Variants in STPG2 observed in about 807,000 individuals in gnomAD.
STPG2 encodes sperm-tail PG-rich repeat-containing protein 2.
In STPG2, 56 loss-of-function variants were observed where a neutral mutation model predicts 54.2. The ratio of observed to expected loss-of-function variants is 1.03; its 90% CI spans 0.83 to 1.29. The LOEUF (loss-of-function observed/expected upper bound fraction) is 1.29, where lower values mean the gene tolerates loss of function less well. Among genes scored for constraint, STPG2 ranks in the 50% most tolerant of loss-of-function variants. The probability of loss-of-function intolerance (pLI) is 0.00; values close to 1 mark genes in which losing one functional copy is unlikely to be tolerated. For missense variants in STPG2, 596 were observed against 544.9 expected (o/e 1.09, Z -0.93); for synonymous variants, 200 against 181.8 (o/e 1.10, Z -0.81).
intron 4 of STPG2, among the ~76,000 whole-genome samples, chr4:97,476,555 T>C (rs1426562908): frequency 2.6e-5 from 4 of 152,206 alleles, no homozygotes; most frequent in African/African-American, 4.8e-5. Context: ...AATTGAATGA[T>C]AGTGATTCTG....
At chr4:97,705,252 TA>T (rs1723903085) in intron 10 of STPG2, among the ~76,000 whole-genome samples, 1 of 152,146 alleles carries the variant, frequency 6.6e-6, no homozygotes, top group Non-Finnish European at 1.5e-5. Context: ...CTTGTCTAAG[TA>T]AAAAACTCCC....
intron 8 of STPG2, among the ~76,000 whole-genome samples, chr4:97,932,195 G>A (rs1401026140): frequency 6.6e-6 from 1 of 151,958 alleles, no homozygotes; most frequent in East Asian, 1.9e-4. Flanking sequence ...ACCAACTCCT[G>A]GATTCTTTGA....
intron 9 of STPG2, among the ~76,000 whole-genome samples, chr4:97,802,767 G>A (rs570988957): frequency 2.2e-4 from 33 of 152,076 alleles, no homozygotes; most frequent in Middle Eastern, 3.4e-3. Flanking sequence ...CACCGCGCCC[G>A]GCCCTATCAA....
intron 10 of STPG2, among the ~76,000 whole-genome samples, chr4:97,615,080 C>G (rs187650353): frequency 1.3e-5 from 2 of 152,072 alleles, no homozygotes; most frequent in Non-Finnish European, 2.9e-5. Flanking sequence ...CCCCATTAAC[C>G]TTTTGTGAAG....
At chr4:97,918,608 T>C (rs1303007443) in intron 8 of STPG2, among the ~76,000 whole-genome samples, 3 of 152,084 alleles carry the variant, frequency 2.0e-5, no homozygotes, top group South Asian at 4.1e-4. Flanking sequence ...CACACACACA[T>C]ACACACCATG....
intron 5 of STPG2, among the ~76,000 whole-genome samples, chr4:98,027,568 C>G (rs576023135): frequency 1.1e-4 from 16 of 152,258 alleles, no homozygotes; most frequent in African/African-American, 3.9e-4. Context: ...AACAAGTTAA[C>G]AGCTGTCAAA....
chr4:97,885,764 C>T (rs965406525), intron 8 of STPG2, among the ~76,000 whole-genome samples: 8 of 152,048 alleles, frequency 5.3e-5, no homozygotes, highest in African/African-American at 9.7e-5. Context: ...TATCCATGGA[C>T]GTTGGTATAC....
intron 9 of STPG2, among the ~76,000 whole-genome samples, chr4:97,793,402 C>G (rs6826709): frequency 0.41 from 60,358 of 148,204 alleles, 12,244 homozygotes; most frequent in Middle Eastern, 0.48. Flanking sequence ...CACACACACA[C>G]AGAGAAATAG....
At chr4:97,485,346 A>G (rs566783990) in intron 4 of STPG2, among the ~76,000 whole-genome samples, 133 of 151,948 alleles carry the variant, frequency 8.8e-4, no homozygotes, top group African/African-American at 3.1e-3. Context: ...AACTCGTATA[A>G]GAATTCAACA....
chr4:97,864,190 T>C (rs1017336439), intron 8 of STPG2, among the ~76,000 whole-genome samples: 5 of 152,190 alleles, frequency 3.3e-5, no homozygotes, highest in African/African-American at 9.7e-5. Context: ...ATTGTATATC[T>C]AGAAAACCCC....
chr4:97,789,286 A>G (rs1726920618), intron 9 of STPG2, among the ~76,000 whole-genome samples: 1 of 152,038 alleles, frequency 6.6e-6, no homozygotes, highest in African/African-American at 2.4e-5. Flanking sequence ...CAAAAACTAA[A>G]ATACTCATAT....
chr4:98,128,693 T>C, intron 2 of STPG2, 101 bp from the exon 3 acceptor site: 1 of 957,794 alleles, frequency 1.0e-6, no homozygotes. Flanking sequence ...TAAATATTGA[T>C]TTAATGAGTT....
chr4:97,938,877 G>C (rs918354084), intron 8 of STPG2, among the ~76,000 whole-genome samples: 4 of 151,906 alleles, frequency 2.6e-5, no homozygotes, highest in African/African-American at 9.7e-5. Context: ...GGGAGCCTCT[G>C]ACCACCACTG....
In STPG2 at chr4:97,864,577, T is replaced by C. The variant is rs1447781975; in HGVS notation, c.1045-23645A>G. On this transcript the variant is annotated intron_variant, in intron 8 of 10. Transcript: ENST00000295268. Reference sequence around the variant, plus strand: ...GCTACCAATGACTTTCTTCACAGAATTGGAAAAAAACAACTTTAAAGTTTA... The same window carrying C: ...GCTACCAATGACTTTCTTCACAGAACTGGAAAAAAACAACTTTAAAGTTTA... 2.6e-5 allele frequency among the ~76,000 whole-genome samples: 4 copies of C among 152,152 alleles called. No individual in the cohort carries two copies. The East Asian group carries it at 7.7e-4, about 29-fold the overall frequency.
At chr4:97,593,517 C>A (rs73831952) in intron 10 of STPG2, among the ~76,000 whole-genome samples, 1 of 152,084 alleles carries the variant, frequency 6.6e-6, no homozygotes, top group African/African-American at 2.4e-5. Flanking sequence ...CCTCCCCATG[C>A]CAACACCACC....
intron 10 of STPG2, among the ~76,000 whole-genome samples, chr4:97,567,394 T>C (rs1249063398): frequency 1.3e-5 from 2 of 150,090 alleles, no homozygotes; most frequent in African/African-American, 2.4e-5. Flanking sequence ...AATCCCGAAA[T>C]AGAGGAATTT....
intron 5 of STPG2, among the ~76,000 whole-genome samples, chr4:98,050,199 AT>A (rs1322097696): frequency 2.0e-5 from 3 of 152,080 alleles, no homozygotes; most frequent in Non-Finnish European, 2.9e-5. Context: ...ATATTAAACT[AT>A]TTTCATTTTA....
rs539229808 is a variant in STPG2, at chr4:97,863,226, A to T, written c.1045-22294T>A. ...AAGACTAATAAAGAAGAAAAGAGAG[A>T]AGAATCAAACACATGTAATAAAACA... is the stretch of plus-strand genomic sequence containing the variant. On this transcript the variant is annotated intron_variant, in intron 8 of 10. Transcript: ENST00000295268. Among the ~76,000 whole-genome samples the T allele has an allele frequency of 2.6e-5, 4 of 152,234 alleles. No individual in the cohort carries two copies. In the South Asian group the frequency reaches 8.3e-4, roughly 32 times the overall value.
chr4:97,751,969 C>T (rs187614652), intron 9 of STPG2, among the ~76,000 whole-genome samples: 2 of 151,738 alleles, frequency 1.3e-5, no homozygotes, highest in Admixed American at 6.6e-5. Context: ...GATAATGTTC[C>T]GGACTCCCAA....
Sources: gnomAD v4.1 joint callset for allele counts (sites outside exome capture counted in the v4.1 genomes callset) on GRCh38, gnomAD v4.1.1 for gene constraint, MANE v1.5 for transcripts, NCBI Gene and HGNC (gene_info 2026-07-23, HGNC 2026-07-21) for gene names.